Variants in ZFAND3 observed in about 807,000 individuals in gnomAD.
ZFAND3 encodes AN1-type zinc finger protein 3.
A neutral mutation model predicts 29.6 loss-of-function variants in ZFAND3; 10 were observed. The ratio of observed to expected loss-of-function variants is 0.34; its 90% CI spans 0.21 to 0.57. The LOEUF (loss-of-function observed/expected upper bound fraction) is 0.57, where lower values mean the gene tolerates loss of function less well. Ranked by LOEUF, ZFAND3 falls within the 20% of genes least tolerant of loss-of-function variation. ZFAND3 has a pLI of 0.86. For missense variants in ZFAND3, 230 were observed against 304.5 expected, an observed-to-expected ratio of 0.76 and a Z score of 1.82; for synonymous variants, 128 against 112.6, an observed-to-expected ratio of 1.14 and a Z score of -0.87.
At chr6:37,947,052 T>C (rs1346184075) in intron 2 of ZFAND3, among the ~76,000 whole-genome samples, 1 of 152,188 alleles carries the variant, frequency 6.6e-6, no homozygotes, top group African/African-American at 2.4e-5. Context: ...GTTAAGATGG[T>C]AAATTTTATG....
intron 2 of ZFAND3, among the ~76,000 whole-genome samples, chr6:38,054,798 T>G (rs1764102673): frequency 6.6e-6 from 1 of 152,242 alleles, no homozygotes; most frequent in Middle Eastern, 3.2e-3. Context: ...AACTCCTGTT[T>G]AAACAGTTTA....
At chr6:37,889,043 T>C (rs950540923) in intron 1 of ZFAND3, among the ~76,000 whole-genome samples, 1 of 152,140 alleles carries the variant, frequency 6.6e-6, no homozygotes, top group African/African-American at 2.4e-5. Flanking sequence ...AACTACACAA[T>C]TATTATTTCA....
intron 1 of ZFAND3, among the ~76,000 whole-genome samples, chr6:37,899,160 A>G (rs1348356783): frequency 2.0e-5 from 3 of 152,032 alleles, no homozygotes; most frequent in Non-Finnish European, 4.4e-5. Context: ...CGGCCTCCCA[A>G]AGTGCTGGGA....
At chr6:37,974,178 T>C (rs1371938940) in intron 2 of ZFAND3, among the ~76,000 whole-genome samples, 1 of 152,152 alleles carries the variant, frequency 6.6e-6, no homozygotes, top group African/African-American at 2.4e-5. Flanking sequence ...TTCTCATGTC[T>C]CAGGCTGCCG....
At chr6:38,084,049 T>C (rs1236271414) in intron 4 of ZFAND3, among the ~76,000 whole-genome samples, 2 of 152,110 alleles carry the variant, frequency 1.3e-5, no homozygotes, top group African/African-American at 4.8e-5. Flanking sequence ...GTATATTTTC[T>C]GAGATAATAT....
At chr6:37,864,026 TTGAA>T (rs1764541023) in intron 1 of ZFAND3, among the ~76,000 whole-genome samples, 1 of 152,150 alleles carries the variant, frequency 6.6e-6, no homozygotes, top group African/African-American at 2.4e-5. Flanking sequence ...TTCTAAAAGT[TTGAA>T]TGTGAATTGG....
intron 2 of ZFAND3, among the ~76,000 whole-genome samples, chr6:37,934,864 A>G (rs982020480): frequency 3.8e-5 from 5 of 130,374 alleles, no homozygotes; most frequent in African/African-American, 1.4e-4. Flanking sequence ...AAAAAAAAAA[A>G]GCAAAAGTTA....
At chr6:37,939,910 C>T (rs1461820516) in intron 2 of ZFAND3, among the ~76,000 whole-genome samples, 1 of 152,010 alleles carries the variant, frequency 6.6e-6, no homozygotes, top group Non-Finnish European at 1.5e-5. Flanking sequence ...AGTGGTGGTG[C>T]ACGCCTGTAA....
intron 2 of ZFAND3, among the ~76,000 whole-genome samples, chr6:37,974,388 CT>C (rs1762442883): frequency 1.3e-5 from 1 of 78,778 alleles, no homozygotes. Flanking sequence ...TATATACTCT[CT>C]CTCTCTCTCT....
chr6:38,089,668 G>A (rs887329519), intron 4 of ZFAND3, among the ~76,000 whole-genome samples: 15 of 152,276 alleles, frequency 9.9e-5, no homozygotes, highest in African/African-American at 1.7e-4. Flanking sequence ...AAGTGGCCCC[G>A]TAAATCTTGG....
At chr6:38,052,363 G>C (rs1764043617) in intron 2 of ZFAND3, among the ~76,000 whole-genome samples, 1 of 152,112 alleles carries the variant, frequency 6.6e-6, no homozygotes, top group South Asian at 2.1e-4. Context: ...TCTACTTATT[G>C]ACAGGGTGCT....
At chr6:37,832,665 C>A in intron 1 of ZFAND3, among the ~76,000 whole-genome samples, 1 of 152,090 alleles carries the variant, frequency 6.6e-6, no homozygotes, top group Middle Eastern at 3.4e-3. Flanking sequence ...TTTTCTCTTC[C>A]CTTCCCTCCC....
At position 37,964,559 on chromosome 6, in the gene ZFAND3, C is replaced by G. The variant is rs367566922; in HGVS notation, c.112+34560C>G. On this transcript the variant is annotated intron_variant, in intron 2 of 5. Coordinates refer to ENST00000287218, the MANE Select transcript of ZFAND3 (RefSeq NM_021943.3). ...CCATCTTTGATTTCTGACATTGATT[C>G]AATCCCTGCCTTTGGATCCCAATGA... Among the ~76,000 whole-genome samples the G allele has an allele frequency of 9.8e-5, 15 of 152,298 alleles. 1 individual carries two copies. The highest frequency in any genetic ancestry group is 5.9e-4 in the Admixed American group (9 of 15,300).
intron 1 of ZFAND3, among the ~76,000 whole-genome samples, chr6:37,874,585 T>G (rs1167950976): frequency 1.3e-5 from 2 of 151,172 alleles, no homozygotes; most frequent in Non-Finnish European, 1.5e-5. Flanking sequence ...GGGCCCACCC[T>G]AATGATCTCA....
intron 3 of ZFAND3, among the ~76,000 whole-genome samples, chr6:38,081,195 A>G (rs1365523130): frequency 6.6e-6 from 1 of 151,816 alleles, no homozygotes; most frequent in African/African-American, 2.4e-5. Flanking sequence ...GATCTCCATG[A>G]CTGTGTGGTG....
At chr6:37,979,106 G>A (rs925619257) in intron 2 of ZFAND3, among the ~76,000 whole-genome samples, 14 of 151,354 alleles carry the variant, frequency 9.2e-5, no homozygotes, top group Admixed American at 4.6e-4. Flanking sequence ...AGTTTAATTT[G>A]TTCTTATTTT....
chr6:37,967,397 C>T (rs1207355168), intron 2 of ZFAND3, among the ~76,000 whole-genome samples: 3 of 152,114 alleles, frequency 2.0e-5, no homozygotes, highest in African/African-American at 7.2e-5. Context: ...ATTCTAAGCT[C>T]ACCTTGTACT....
intron 5 of ZFAND3, chr6:38,143,234 G>A (rs924100179): frequency 6.6e-6 from 1 of 152,254 alleles, no homozygotes; most frequent in Non-Finnish European, 1.5e-5. Flanking sequence ...GAATGGGGCT[G>A]TCTGGAGAAA....
At chr6:38,043,877 A>G (rs1763845380) in intron 2 of ZFAND3, among the ~76,000 whole-genome samples, 1 of 152,100 alleles carries the variant, frequency 6.6e-6, no homozygotes. Context: ...TCCTGGCCTC[A>G]GGTAGTCCTC....
Sources: gnomAD v4.1 joint callset for allele counts (sites outside exome capture counted in the v4.1 genomes callset) on GRCh38, gnomAD v4.1.1 for gene constraint, MANE v1.5 for transcripts, NCBI Gene and HGNC (gene_info 2026-07-23, HGNC 2026-07-21) for gene names.